PTPRT: variants seen among roughly 807,000 people sequenced by gnomAD.
The protein encoded by PTPRT is receptor-type tyrosine-protein phosphatase T.
A neutral mutation model predicts 176.8 loss-of-function variants in PTPRT; 56 were observed. That is an observed-to-expected ratio of 0.32 (90% CI 0.26 to 0.40). The LOEUF (loss-of-function observed/expected upper bound fraction) is 0.40, where lower values mean the gene tolerates loss of function less well. PTPRT is among the 10% of genes least tolerant of loss of function. PTPRT has a pLI of 1.00. For synonymous variants in PTPRT, 783 were observed against 739.0 expected, an observed-to-expected ratio of 1.06 and a Z score of -0.96; for missense variants, 1,540 against 1,908.2, an observed-to-expected ratio of 0.81 and a Z score of 3.60.
chr20:42,513,482 T>C (rs1302161350), intron 7 of PTPRT, among the ~76,000 whole-genome samples: 3 of 152,188 alleles, frequency 2.0e-5, no homozygotes, highest in African/African-American at 4.8e-5. Context: ...TCAGGTCTGA[T>C]ATGTATTATT....
chr20:42,120,067 C>A, intron 19 of PTPRT, 96 bp from the exon 20 acceptor site: 1 of 1,152,080 alleles, frequency 8.7e-7, no homozygotes, highest in South Asian at 1.5e-5. Flanking sequence ...TTGATTTTCT[C>A]ATGGGCAAAA....
Position 42,078,625 on chromosome 20 carries a change from A to G in PTPRT, c.*2254T>C, listed in dbSNP as rs769915938. On this transcript the variant is annotated 3_prime_UTR_variant, in exon 31 of 31. Coordinates refer to ENST00000373187, the MANE Select transcript of PTPRT (RefSeq NM_007050.6). ...AAGCTCCATGGACTCCTTGTTGCCAATAGGACAAAGTCTGTACTCGCGATG... is the reference window on the plus strand; with the variant it reads ...AAGCTCCATGGACTCCTTGTTGCCAGTAGGACAAAGTCTGTACTCGCGATG... 3 of 181,990 alleles carry G rather than the reference A, an allele frequency of 1.6e-5. No homozygotes were observed. Among genetic ancestry groups the G allele is most frequent in the Non-Finnish European group, 3.5e-5 (3 of 85,178 alleles). The allele number at this position is 181,990 out of a possible 1,614,324, so 11.3% of individuals were successfully genotyped here. A position where few individuals can be genotyped will look rare whatever the true frequency, so the allele number is the denominator to read the frequency against.
At chr20:43,133,113 G>A (rs1217605429) in intron 1 of PTPRT, among the ~76,000 whole-genome samples, 1 of 152,172 alleles carries the variant, frequency 6.6e-6, no homozygotes, top group Admixed American at 6.6e-5. Context: ...GAGCTCAATG[G>A]GGGGTTCTGG....
At chr20:42,406,914 C>T (rs1316580945) in intron 9 of PTPRT, among the ~76,000 whole-genome samples, 3 of 152,154 alleles carry the variant, frequency 2.0e-5, no homozygotes, top group Non-Finnish European at 4.4e-5. Flanking sequence ...TGTTATTGTG[C>T]CACCCAGTAG....
At chr20:42,134,661 A>C (rs887189835) in intron 18 of PTPRT, among the ~76,000 whole-genome samples, 10 of 152,212 alleles carry the variant, frequency 6.6e-5, no homozygotes, top group Non-Finnish European at 1.5e-5. Flanking sequence ...CCCTGTGGGA[A>C]AAAAGGCCCT....
chr20:42,342,961 C>A (rs1324157294), intron 11 of PTPRT, among the ~76,000 whole-genome samples: 1 of 152,208 alleles, frequency 6.6e-6, no homozygotes, highest in Non-Finnish European at 1.5e-5. Flanking sequence ...AGATTCTCAT[C>A]AGGAGGTGAA....
intron 14 of PTPRT, among the ~76,000 whole-genome samples, chr20:42,246,359 C>A (rs1026858776): frequency 6.6e-6 from 1 of 152,068 alleles, no homozygotes; most frequent in Non-Finnish European, 1.5e-5. Flanking sequence ...ACTAGGCCAA[C>A]AAAATGTCTT....
chr20:42,956,577 ATCTC>A (rs201980122), intron 1 of PTPRT, among the ~76,000 whole-genome samples: 4 of 151,130 alleles, frequency 2.6e-5, no homozygotes, highest in African/African-American at 9.7e-5. Flanking sequence ...AGCCAATTAA[ATCTC>A]TCTCTTTTTT....
intron 9 of PTPRT, among the ~76,000 whole-genome samples, chr20:42,426,592 T>C (rs1163531728): frequency 3.3e-5 from 5 of 152,220 alleles, no homozygotes; most frequent in African/African-American, 9.6e-5. Flanking sequence ...CGTCTGCAGA[T>C]GGCAGAGCTA....
chr20:42,062,092 G>T, the PTPRT span, among the ~76,000 whole-genome samples: 1 of 152,156 alleles, frequency 6.6e-6, no homozygotes, highest in African/African-American at 2.4e-5. Context: ...CGCAGGTAGG[G>T]TACACTATCC....
chr20:42,045,665 T>C, the PTPRT span, among the ~76,000 whole-genome samples: 1 of 151,526 alleles, frequency 6.6e-6, no homozygotes. Context: ...CTTTTTTTTT[T>C]CTTTTAAACA....
At chr20:43,130,232 G>A (rs575387149) in intron 1 of PTPRT, among the ~76,000 whole-genome samples, 1 of 152,278 alleles carries the variant, frequency 6.6e-6, no homozygotes, top group Admixed American at 6.5e-5. Context: ...GTTTATAAGT[G>A]TTATCTTTTA....
chr20:42,922,347 T>G (rs1979202021), intron 1 of PTPRT, among the ~76,000 whole-genome samples: 1 of 152,198 alleles, frequency 6.6e-6, no homozygotes, highest in South Asian at 2.1e-4. Flanking sequence ...GTCCCAACCC[T>G]GTGCATCTCA....
chr20:43,018,192 C>A (rs1164007945), intron 1 of PTPRT, among the ~76,000 whole-genome samples: 1 of 152,132 alleles, frequency 6.6e-6, no homozygotes, highest in Non-Finnish European at 1.5e-5. Flanking sequence ...CTTTCCTTTA[C>A]CATGTTATCT....
chr20:42,250,700 G>A (rs1311348006), intron 13 of PTPRT, among the ~76,000 whole-genome samples: 1 of 152,210 alleles, frequency 6.6e-6, no homozygotes, highest in Admixed American at 6.5e-5. Context: ...AACATAATAT[G>A]AGGGTGAGTG....
At chr20:42,354,221 T>C (rs150157052) in intron 9 of PTPRT, among the ~76,000 whole-genome samples, 44 of 152,298 alleles carry the variant, frequency 2.9e-4, no homozygotes, top group African/African-American at 9.1e-4. Flanking sequence ...CCTACCCCCA[T>C]CAGGGATCAC....
chr20:42,842,275 G>A (rs1042364522), intron 2 of PTPRT, among the ~76,000 whole-genome samples: 3 of 152,164 alleles, frequency 2.0e-5, no homozygotes, highest in African/African-American at 7.2e-5. Context: ...CATGCAAAAC[G>A]AAGAAGAGTG....
chr20:42,781,389 G>A (rs748584424), intron 3 of PTPRT, among the ~76,000 whole-genome samples: 1 of 152,150 alleles, frequency 6.6e-6, no homozygotes, highest in Non-Finnish European at 1.5e-5. Context: ...GAGGGAAAGA[G>A]GGGCTGACTT....
chr20:42,914,886 A>G (rs1301267539), intron 1 of PTPRT, among the ~76,000 whole-genome samples: 2 of 152,138 alleles, frequency 1.3e-5, no homozygotes, highest in African/African-American at 4.8e-5. Flanking sequence ...TTAAAAAAAA[A>G]AAAAATACAT....
Sources: gnomAD v4.1 joint callset for allele counts (sites outside exome capture counted in the v4.1 genomes callset) on GRCh38, gnomAD v4.1.1 for gene constraint, MANE v1.5 for transcripts, NCBI Gene and HGNC (gene_info 2026-07-23, HGNC 2026-07-21) for gene names.